CCDC88A: variants seen among roughly 807,000 people sequenced by gnomAD.
CCDC88A encodes the protein coiled-coil and HOOK domain protein 88A.
In CCDC88A, 54 loss-of-function variants were observed where a neutral mutation model predicts 234.3. The observed-to-expected ratio is 0.23, with a 90% CI of 0.19 to 0.29. CCDC88A has a LOEUF of 0.29. CCDC88A is among the 10% of genes least tolerant of loss of function. CCDC88A has a pLI of 1.00. For synonymous variants in CCDC88A, 753 were observed against 737.8 expected (o/e 1.02, Z -0.33); for missense variants, 1,832 against 2,123.4 (o/e 0.86, Z 2.70).
At chr2:55,292,512 C>T (rs906858130) in intron 31 of CCDC88A, 4 of 152,024 alleles carry the variant, frequency 2.6e-5, no homozygotes, top group African/African-American at 9.7e-5. Flanking sequence ...TGGGACACAT[C>T]GGTTCCATAT....
At chr2:55,367,892 A>G (rs1672257969) in intron 5 of CCDC88A, among the ~76,000 whole-genome samples, 1 of 152,098 alleles carries the variant, frequency 6.6e-6, no homozygotes, top group Admixed American at 6.5e-5. Flanking sequence ...GCACTACCCA[A>G]CCTGGCCAAA....
In CCDC88A at chr2:55,334,945, G is replaced by A. The variant is rs770918715; in HGVS notation, c.1876C>T (p.Arg626Ter). 1.9e-6 allele frequency: 3 copies of A among 1,551,646 alleles called. No individual in the cohort carries two copies. Among genetic ancestry groups the A allele is most frequent in the African/African-American group, 1.4e-5 (1 of 72,442 alleles). ...AATTCATTTTCAAGTTCTTCAGCTC[G>A]TTCTCCTTTTTCTTTATAATGTTCC... ...ELEHYKEKGE[R>*]AEELENELHH... is the part of the protein sequence containing the mutation. Residue 626 changes from arginine to a stop codon, truncating the protein, a stop_gained, in exon 15 of 33, where the codon CGA becomes TGA. Transcript: ENST00000436346. LOFTEE classifies it high-confidence loss of function. The surrounding 1 kb of genome is among the most constrained non-coding windows in gnomAD (Gnocchi z 6.1).
chr2:55,297,691 G>A (rs1680364317), intron 29 of CCDC88A, among the ~76,000 whole-genome samples: 1 of 151,650 alleles, frequency 6.6e-6, no homozygotes, highest in Non-Finnish European at 1.5e-5. Flanking sequence ...GATTACAGGT[G>A]TGAGCCACCG....
At chr2:55,370,552 A>G (rs1672665084) in intron 5 of CCDC88A, among the ~76,000 whole-genome samples, 1 of 151,092 alleles carries the variant, frequency 6.6e-6, no homozygotes, top group South Asian at 2.1e-4. Context: ...GAGGCAGGAT[A>G]ATCACCTGAA....
At chr2:55,308,409 T>C (rs1483506852) in intron 25 of CCDC88A, 1 of 159,058 alleles carries the variant, frequency 6.3e-6, no homozygotes, top group Non-Finnish European at 1.4e-5. Context: ...AACCTCATTA[T>C]AGAATGCCTT....
At chr2:55,356,122 A>C in intron 7 of CCDC88A, 1 of 154,976 alleles carries the variant, frequency 6.5e-6, no homozygotes, top group Admixed American at 6.5e-5. Context: ...CCCAGCATGC[A>C]TTAGCTCTTT....
chr2:55,304,042 C>T (rs1379710365), intron 25 of CCDC88A, among the ~76,000 whole-genome samples: 1 of 152,192 alleles, frequency 6.6e-6, no homozygotes, highest in Admixed American at 6.5e-5. Context: ...GGAATGGTAG[C>T]TTCTGCCTGT....
chr2:55,361,803 T>C (rs1671359812), intron 7 of CCDC88A: 2 of 152,374 alleles, frequency 1.3e-5, no homozygotes, highest in South Asian at 4.1e-4. Flanking sequence ...AGCTCTGTTT[T>C]AACGGACTTA....
At chr2:55,361,697 C>T (rs930846275) in intron 7 of CCDC88A, among the ~76,000 whole-genome samples, 2 of 152,316 alleles carry the variant, frequency 1.3e-5, no homozygotes, top group South Asian at 4.1e-4. Flanking sequence ...TACCCACCAC[C>T]ACACGCACTA....
At chr2:55,378,326 G>A (rs1674038950) in intron 3 of CCDC88A, among the ~76,000 whole-genome samples, 1 of 152,178 alleles carries the variant, frequency 6.6e-6, no homozygotes, top group Non-Finnish European at 1.5e-5. Context: ...TTTACGCTAT[G>A]AAGTCTATGT....
At chr2:55,368,551 T>A (rs1217708891) in intron 5 of CCDC88A, among the ~76,000 whole-genome samples, 1 of 151,944 alleles carries the variant, frequency 6.6e-6, no homozygotes, top group East Asian at 1.9e-4. Context: ...CTCAAACTCC[T>A]GGCCTCAAGC....
At chr2:55,318,348 C>G (rs1260062852) in intron 19 of CCDC88A, among the ~76,000 whole-genome samples, 1 of 152,082 alleles carries the variant, frequency 6.6e-6, no homozygotes, top group African/African-American at 2.4e-5. Context: ...GGAGAGGGAA[C>G]TTGTTTCTGC....
intron 7 of CCDC88A, 81 bp from the exon 8 acceptor site, chr2:55,355,832 A>C (rs1173070199): frequency 1.9e-6 from 2 of 1,050,454 alleles, no homozygotes; most frequent in Non-Finnish European, 2.8e-6. Context: ...TAGGTCTAAG[A>C]ATTGTACTGC....
intron 8 of CCDC88A, 141 bp from the exon 9 acceptor site, chr2:55,349,740 A>G (rs903384528): frequency 4.9e-5 from 26 of 530,856 alleles, no homozygotes; most frequent in Admixed American, 1.1e-4. Context: ...AAGATAAAAA[A>G]AAAAAGATAG....
chr2:55,374,980 G>A, intron 3 of CCDC88A, 97 bp from the exon 4 acceptor site: 2 of 694,388 alleles, frequency 2.9e-6, no homozygotes, highest in Non-Finnish European at 5.0e-6. Flanking sequence ...TTCTGTAGGT[G>A]TGCTATATTG....
intron 31 of CCDC88A, chr2:55,294,500 T>A: frequency 2.1e-6 from 2 of 941,086 alleles, no homozygotes; most frequent in Non-Finnish European, 2.5e-6. Context: ...TTATTAACTA[T>A]TTCTTTAAAA....
intron 2 of CCDC88A, among the ~76,000 whole-genome samples, chr2:55,399,332 C>T (rs1365773026): frequency 2.6e-5 from 4 of 151,792 alleles, no homozygotes; most frequent in Non-Finnish European, 5.9e-5. Flanking sequence ...CAAGACCAGC[C>T]TGGCCAAGAT....
chr2:55,351,791 T>C (rs1669916041), intron 8 of CCDC88A, among the ~76,000 whole-genome samples: 1 of 152,164 alleles, frequency 6.6e-6, no homozygotes, highest in African/African-American at 2.4e-5. Flanking sequence ...GCAGCATTAT[T>C]CATAATAGCC....
chr2:55,303,653 T>C (rs1159033651), intron 25 of CCDC88A, among the ~76,000 whole-genome samples: 1 of 152,198 alleles, frequency 6.6e-6, no homozygotes, highest in Non-Finnish European at 1.5e-5. Context: ...AGTGCTGGGA[T>C]TACAGGCGTG....
Sources: allele counts gnomAD v4.1 joint callset (sites outside exome capture counted in the v4.1 genomes callset), GRCh38; gene constraint gnomAD v4.1.1; non-coding constraint Gnocchi (gnomAD v3.1); transcripts MANE v1.5; gene names NCBI Gene and HGNC (gene_info 2026-07-23, HGNC 2026-07-21).